TANC2: variants seen among roughly 807,000 people sequenced by gnomAD.
TANC2 encodes the protein protein TANC2.
A neutral mutation model predicts 210.5 loss-of-function variants in TANC2; 26 were observed. The observed-to-expected ratio is 0.12, with a 90% CI of 0.09 to 0.17. The LOEUF (loss-of-function observed/expected upper bound fraction) is 0.17, where lower values mean the gene tolerates loss of function less well. TANC2 is among the 10% of genes least tolerant of loss of function. The pLI, the probability that TANC2 is intolerant of heterozygous loss-of-function variation, is 1.00. For synonymous variants in TANC2, 931 were observed against 967.1 expected, an observed-to-expected ratio of 0.96 and a Z score of 0.69; for missense variants, 2,129 against 2,608.9, an observed-to-expected ratio of 0.82 and a Z score of 4.01.
intron 5 of TANC2, among the ~76,000 whole-genome samples, chr17:63,156,872 G>A (rs1365303878): frequency 6.6e-6 from 1 of 151,958 alleles, no homozygotes; most frequent in East Asian, 1.9e-4. Flanking sequence ...TTTTATTTTT[G>A]TAGAGACAGG....
At chr17:63,028,478 CAG>C (rs888548964) in intron 2 of TANC2, among the ~76,000 whole-genome samples, 7 of 151,998 alleles carry the variant, frequency 4.6e-5, no homozygotes, top group Non-Finnish European at 8.8e-5. Context: ...TAAAAAGACA[CAG>C]GGGCTTGGGC....
intron 8 of TANC2, among the ~76,000 whole-genome samples, chr17:63,253,201 T>C (rs1423292079): frequency 6.6e-6 from 1 of 152,218 alleles, no homozygotes; most frequent in Non-Finnish European, 1.5e-5. Context: ...CTGATGTCAG[T>C]GATGTTTAGC....
chr17:63,162,075 C>T (rs934528507), intron 5 of TANC2, among the ~76,000 whole-genome samples: 3 of 151,960 alleles, frequency 2.0e-5, no homozygotes, highest in African/African-American at 7.3e-5. Context: ...GAGGCCAAGA[C>T]GGGAGGATCA....
intron 13 of TANC2, among the ~76,000 whole-genome samples, chr17:63,353,501 A>G (rs1262748073): frequency 5.9e-5 from 9 of 152,136 alleles, no homozygotes; most frequent in Admixed American, 3.9e-4. Context: ...AATGTTGAGT[A>G]GACAGATATA....
chr17:63,212,275 T>TA (rs2041910014), intron 7 of TANC2, among the ~76,000 whole-genome samples: 1 of 152,230 alleles, frequency 6.6e-6, no homozygotes, highest in Non-Finnish European at 1.5e-5. Flanking sequence ...TTGACTAACT[T>TA]TGTTCTCTTA....
chr17:63,150,870 G>A (rs1234858388), intron 4 of TANC2: 1 of 152,040 alleles, frequency 6.6e-6, no homozygotes, highest in Non-Finnish European at 1.5e-5. Flanking sequence ...GTATTTAATG[G>A]CAAAAGAAGC....
At chr17:63,007,611 C>T (rs550713616) in intron 1 of TANC2, among the ~76,000 whole-genome samples, 1 of 151,010 alleles carries the variant, frequency 6.6e-6, no homozygotes, top group South Asian at 2.1e-4. Context: ...AATGAATATC[C>T]TAGAGATTAC....
At chr17:62,971,175 A>C (rs1302707772) in intron 1 of TANC2, among the ~76,000 whole-genome samples, 1 of 152,202 alleles carries the variant, frequency 6.6e-6, no homozygotes, top group East Asian at 1.9e-4. Context: ...AAAATGAAAA[A>C]AAAAATGAGT....
At chr17:63,183,124 A>T (rs2040847940) in intron 5 of TANC2, among the ~76,000 whole-genome samples, 1 of 152,182 alleles carries the variant, frequency 6.6e-6, no homozygotes, top group Non-Finnish European at 1.5e-5. Context: ...TGCTTTCATT[A>T]TTAAATATAC....
intron 3 of TANC2, among the ~76,000 whole-genome samples, chr17:63,089,767 T>A (rs2037112030): frequency 6.6e-6 from 1 of 152,158 alleles, no homozygotes; most frequent in Non-Finnish European, 1.5e-5. Context: ...AATTATGCAT[T>A]GTTATTGTGT....
intron 2 of TANC2, among the ~76,000 whole-genome samples, chr17:63,042,494 A>G (rs2035227213): frequency 6.6e-6 from 1 of 152,128 alleles, no homozygotes; most frequent in Non-Finnish European, 1.5e-5. Context: ...GTAAATTTGC[A>G]ATAGAGAGCT....
At chr17:63,024,588 G>T (rs982386903) in intron 2 of TANC2, among the ~76,000 whole-genome samples, 2 of 152,114 alleles carry the variant, frequency 1.3e-5, no homozygotes, top group African/African-American at 4.8e-5. Flanking sequence ...TACTGGGAAT[G>T]CAGCCCAGTA....
intron 4 of TANC2, among the ~76,000 whole-genome samples, chr17:63,127,182 A>G (rs1020167017): frequency 2.6e-5 from 4 of 152,182 alleles, no homozygotes; most frequent in African/African-American, 9.7e-5. Context: ...CTAAATGTCT[A>G]ATATTTTCTA....
chr17:63,279,449 A>G (rs751757776), intron 9 of TANC2, among the ~76,000 whole-genome samples: 3 of 152,096 alleles, frequency 2.0e-5, no homozygotes, highest in African/African-American at 7.2e-5. Context: ...GTCTGAGCAT[A>G]TAACCTACCC....
At chr17:63,207,948 T>A (rs2041773457) in intron 7 of TANC2, among the ~76,000 whole-genome samples, 4 of 152,342 alleles carry the variant, frequency 2.6e-5, no homozygotes, top group Admixed American at 2.0e-4. Context: ...CTAATTGTGA[T>A]ATTAATTTGT....
chr17:63,233,310 A>G (rs1375002580), intron 7 of TANC2, among the ~76,000 whole-genome samples: 1 of 152,176 alleles, frequency 6.6e-6, no homozygotes, highest in Non-Finnish European at 1.5e-5. Context: ...GAATCTGCAC[A>G]GCTCTGTGCT....
intron 24 of TANC2, chr17:63,413,233 C>A (rs1195430120): frequency 7.4e-6 from 2 of 271,362 alleles, no homozygotes; most frequent in Admixed American, 5.1e-5. Flanking sequence ...TCCTTCCTCC[C>A]AATTCCTTAT....
chr17:63,230,075 T>C (rs1036193675), intron 7 of TANC2, among the ~76,000 whole-genome samples: 1 of 152,184 alleles, frequency 6.6e-6, no homozygotes, highest in Non-Finnish European at 1.5e-5. Context: ...GGATTACTGG[T>C]GTGAGCCACC....
At chr17:63,142,552 G>A (rs981483328) in intron 4 of TANC2, among the ~76,000 whole-genome samples, 24 of 151,840 alleles carry the variant, frequency 1.6e-4, no homozygotes, top group Non-Finnish European at 3.4e-4. Context: ...TTAAATTCTC[G>A]TTTCATCATT....
Sources: gnomAD v4.1 joint callset for allele counts (sites outside exome capture counted in the v4.1 genomes callset) on GRCh38, gnomAD v4.1.1 for gene constraint, MANE v1.5 for transcripts, NCBI Gene and HGNC (gene_info 2026-07-23, HGNC 2026-07-21) for gene names.